Variants in NPRL3 observed in about 807,000 individuals in gnomAD.
NPRL3 encodes the protein NPR3 like, GATOR1 complex subunit, also known as GATOR1 complex protein NPRL3.
NPRL3 carries 23 observed loss-of-function variants against 57.2 expected under a neutral mutation model. That is an observed-to-expected ratio of 0.40 (90% CI 0.29 to 0.57). The LOEUF (loss-of-function observed/expected upper bound fraction) is 0.57, where lower values mean the gene tolerates loss of function less well. Among genes scored for constraint, NPRL3 ranks in the 20% least tolerant of loss-of-function variants. The pLI is 0.42. For synonymous variants in NPRL3, 333 were observed against 321.1 expected (o/e 1.04, Z -0.39); for missense variants, 691 against 767.1 (o/e 0.90, Z 1.17).
chr16:90,242 C>G (rs1463361352), intron 11 of NPRL3: 2 of 289,416 alleles, frequency 6.9e-6, no homozygotes, highest in Admixed American at 5.7e-5. Flanking sequence ...CCCTGTGCTG[C>G]TGCAGCTGCC....
At position 86,714 on chromosome 16, in the gene NPRL3, C is replaced by G. The variant is rs925661310; in HGVS notation, c.1701G>C (p.Leu567=). The G allele has an allele frequency of 4.5e-6, 7 of 1,555,798 alleles. No individual in the cohort carries two copies. In the African/African-American group the frequency reaches 9.5e-5, roughly 21 times the overall value. The change falls in exon 14 of 14, where the codon CTG becomes CTC. Residue 567 remains leucine, a synonymous_variant. Coordinates refer to ENST00000611875, the MANE Select transcript of NPRL3 (RefSeq NM_001077350.3). ...EDPVIAVFQA[L]LP ...CGCCCTCCGCCTGGGCTCAGGGGAGCAGAGCCTGGAAGACGGCAATGACAG... is the reference window on the plus strand; with the variant it reads ...CGCCCTCCGCCTGGGCTCAGGGGAGGAGAGCCTGGAAGACGGCAATGACAG...
chr16:118,999 G>A (rs1202756326), intron 4 of NPRL3, 127 bp downstream of exon 4: 3 of 1,397,346 alleles, frequency 2.1e-6, no homozygotes, highest in Non-Finnish European at 2.9e-6. Flanking sequence ...CCCAAGGAGA[G>A]CCACACCTGC....
chr16:116,117 C>T (rs1900024046), intron 5 of NPRL3, among the ~76,000 whole-genome samples: 1 of 152,000 alleles, frequency 6.6e-6, no homozygotes, highest in African/African-American at 2.4e-5. Context: ...TGAGGGCCTG[C>T]CTACAGCATC....
intron 2 of NPRL3, among the ~76,000 whole-genome samples, chr16:135,681 A>G (rs1901044322): frequency 6.6e-6 from 1 of 151,998 alleles, no homozygotes; most frequent in Non-Finnish European, 1.5e-5. Flanking sequence ...GTTGTTGTTA[A>G]TAATTTTGGA....
intron 3 of NPRL3, among the ~76,000 whole-genome samples, chr16:128,334 T>C (rs981394733): frequency 1.3e-5 from 2 of 152,204 alleles, no homozygotes; most frequent in Non-Finnish European, 2.9e-5. Context: ...GTGTTTGTAA[T>C]AGTGAGCAGC....
chr16:103,312 T>TG (rs1567136047), intron 7 of NPRL3, among the ~76,000 whole-genome samples: 4 of 128,608 alleles, frequency 3.1e-5, no homozygotes, highest in African/African-American at 1.2e-4. Context: ...TTTTTTTTTT[T>TG]TTTTTTTTTT....
intron 13 of NPRL3, among the ~76,000 whole-genome samples, 169 bp from the exon 14 acceptor site, chr16:87,039 T>C (rs1898506488): frequency 1.3e-5 from 2 of 152,156 alleles, no homozygotes; most frequent in South Asian, 2.1e-4. Context: ...TGGGCAGGCC[T>C]CCTGGACCCC....
rs13339609 is a variant in NPRL3, at chr16:112,406, C to T, written c.547+216G>A. On this transcript the variant is annotated intron_variant, in intron 6 of 13. Coordinates refer to ENST00000611875, the MANE Select transcript of NPRL3 (RefSeq NM_001077350.3). Reference sequence around the variant, plus strand: ...AAATGGGGATGATCATGGACACTGCCTAGCGAAGCTGTTGTGAGGACTTCA... The same window carrying T: ...AAATGGGGATGATCATGGACACTGCTTAGCGAAGCTGTTGTGAGGACTTCA... 0.011 allele frequency among the ~76,000 whole-genome samples: 1,707 copies of T among 152,312 alleles called. 27 individuals carry two copies. Among genetic ancestry groups the T allele is most frequent in the African/African-American group, 0.038 (1,586 of 41,560 alleles).
intron 6 of NPRL3, among the ~76,000 whole-genome samples, chr16:112,322 A>G (rs1042635339): frequency 2.0e-5 from 3 of 152,242 alleles, no homozygotes; most frequent in Non-Finnish European, 2.9e-5. Context: ...CCCCCCAGGC[A>G]CAATCAGCCC....
At chr16:101,929 G>A (rs1899316494) in intron 7 of NPRL3, among the ~76,000 whole-genome samples, 1 of 152,168 alleles carries the variant, frequency 6.6e-6, no homozygotes. Context: ...GCCTAATGCT[G>A]TCTCCCCAAC....
Position 88,823 on chromosome 16 carries a change from G to A in NPRL3, c.1419C>T (p.Ser473=), listed in dbSNP as rs571533880. The change falls in exon 13 of 14, where the codon AGC becomes AGT. Residue 473 remains serine (S), a synonymous_variant. Coordinates refer to ENST00000611875, the MANE Select transcript of NPRL3 (RefSeq NM_001077350.3). ...TCCTCTGGTTCAGTGGCGAGTCCCC[G>A]CTGGGAAGTAGCTCTGCGCTGGAGT... ...MDNSSAELLP[S]GDSPLNQRMT... is the part of the protein sequence containing the mutation. 5.9e-5 allele frequency: 95 copies of A among 1,613,818 alleles called. 1 individual carries two copies. The East Asian group carries it at 1.3e-3, about 22-fold the overall frequency.
intron 3 of NPRL3, among the ~76,000 whole-genome samples, chr16:126,800 T>G (rs1900541076): frequency 6.6e-6 from 1 of 152,228 alleles, no homozygotes; most frequent in Non-Finnish European, 1.5e-5. Context: ...ATCCATTTTC[T>G]TTTCTCATAA....
rs754858141 is a variant in NPRL3, at chr16:85,399, A to T, written c.*1306T>A. The T allele has an allele frequency of 6.3e-7, 1 of 1,599,628 alleles. No homozygotes were observed. Among genetic ancestry groups the T allele is most frequent in the Non-Finnish European group, 8.5e-7 (1 of 1,172,188 alleles). ...TCCACTTCCAAACTGTCCGTCCCAC[A>T]GGGGACGGGGCTTGCGTCTTGCTGC... On this transcript the variant is annotated 3_prime_UTR_variant, in exon 14 of 14. Coordinates refer to ENST00000611875, the MANE Select transcript of NPRL3 (RefSeq NM_001077350.3).
chr16:97,578 G>A (rs1377419009), intron 9 of NPRL3, among the ~76,000 whole-genome samples: 2 of 152,002 alleles, frequency 1.3e-5, no homozygotes, highest in South Asian at 2.1e-4. Context: ...AGGCTGAGGG[G>A]CCCTCCATCT....
chr16:113,737 C>A (rs1175265409), intron 5 of NPRL3, among the ~76,000 whole-genome samples: 3 of 152,180 alleles, frequency 2.0e-5, no homozygotes, highest in Non-Finnish European at 2.9e-5. Flanking sequence ...GCTGCCTCCC[C>A]CTCCTGTTTA....
intron 8 of NPRL3, among the ~76,000 whole-genome samples, chr16:98,799 G>C (rs902458150): frequency 6.6e-6 from 1 of 152,178 alleles, no homozygotes; most frequent in Admixed American, 6.5e-5. Context: ...TTATCCGGGT[G>C]TGGTTGCACC....
chr16:122,018 G>A (rs1409565739), intron 3 of NPRL3, among the ~76,000 whole-genome samples: 2 of 151,584 alleles, frequency 1.3e-5, no homozygotes, highest in Admixed American at 6.6e-5. Flanking sequence ...CAGGTGATCC[G>A]CCCGCCTCGG....
At chr16:114,701 C>T (rs1899954475) in intron 5 of NPRL3, among the ~76,000 whole-genome samples, 2 of 152,134 alleles carry the variant, frequency 1.3e-5, no homozygotes, top group Admixed American at 6.5e-5. Flanking sequence ...CTTCAATGGA[C>T]CAGGTACTAG....
At chr16:108,247 G>A (rs1247712099) in intron 7 of NPRL3, among the ~76,000 whole-genome samples, 1 of 152,152 alleles carries the variant, frequency 6.6e-6, no homozygotes, top group Non-Finnish European at 1.5e-5. Flanking sequence ...TCTGAGCAGC[G>A]AGCTCACAGA....
Sources: allele counts gnomAD v4.1 joint callset (sites outside exome capture counted in the v4.1 genomes callset), GRCh38; gene constraint gnomAD v4.1.1; transcripts MANE v1.5; gene names NCBI Gene and HGNC (gene_info 2026-07-23, HGNC 2026-07-21).